Variants in TRIM66 observed in about 807,000 individuals in gnomAD.
The protein encoded by TRIM66 is tripartite motif-containing protein 66.
A neutral mutation model predicts 148.2 loss-of-function variants in TRIM66; 99 were observed. The observed-to-expected ratio is 0.67, with a 90% confidence interval of 0.57 to 0.79. The LOEUF is 0.79. Among genes scored for constraint, TRIM66 ranks in the 30% least tolerant of loss-of-function variants. The pLI is 0.00. For synonymous variants in TRIM66, 616 were observed against 635.9 expected, an observed-to-expected ratio of 0.97 and a Z score of 0.47; for missense variants, 1,666 against 1,697.9, an observed-to-expected ratio of 0.98 and a Z score of 0.33.
intron 14 of TRIM66, 88 bp from the exon 15 acceptor site, chr11:8,638,903 G>T: frequency 7.3e-7 from 1 of 1,367,788 alleles, no homozygotes; most frequent in African/African-American, 1.5e-5. Context: ...TGCTCACCCT[G>T]CCATGTGCAT....
intron 6 of TRIM66, among the ~76,000 whole-genome samples, chr11:8,660,918 T>C (rs10840103): frequency 0.32 from 48,378 of 152,012 alleles, 9,054 homozygotes; most frequent in Non-Finnish European, 0.43. Context: ...CTACAACATA[T>C]AGAGAAATGA....
At chr11:8,660,881 G>A (rs552059716) in intron 6 of TRIM66, among the ~76,000 whole-genome samples, 1 of 152,334 alleles carries the variant, frequency 6.6e-6, no homozygotes, top group East Asian at 1.9e-4. Flanking sequence ...ATGAAAGTGT[G>A]AGGTCTCTTT....
At chr11:8,640,157 G>C in intron 14 of TRIM66, 70 bp downstream of exon 14, 1 of 1,425,958 alleles carries the variant, frequency 7.0e-7, no homozygotes, top group Non-Finnish European at 9.5e-7. Context: ...CCTTGTTTTT[G>C]GGGAGGCTGT....
At chr11:8,629,550 G>C (rs1057504832) in intron 15 of TRIM66, among the ~76,000 whole-genome samples, 8 of 152,198 alleles carry the variant, frequency 5.3e-5, no homozygotes, top group Non-Finnish European at 1.0e-4. Context: ...ATTAGGGGTA[G>C]AGATCATATT....
chr11:8,631,011 G>C (rs2035342535), intron 15 of TRIM66, among the ~76,000 whole-genome samples: 1 of 152,126 alleles, frequency 6.6e-6, no homozygotes, highest in Non-Finnish European at 1.5e-5. Flanking sequence ...CTAGAGTTCA[G>C]TGTGTTGACA....
intron 1 of TRIM66, among the ~76,000 whole-genome samples, chr11:8,681,941 T>C (rs1401000495): frequency 6.6e-6 from 1 of 152,182 alleles, no homozygotes; most frequent in African/African-American, 2.4e-5. Context: ...TACTTTTGTA[T>C]GTGGAGACGA....
At chr11:8,649,985 T>C in intron 7 of TRIM66, 98 bp from the exon 8 acceptor site, 1 of 1,366,088 alleles carries the variant, frequency 7.3e-7, no homozygotes, top group South Asian at 1.4e-5. Context: ...TGCAGGCCTA[T>C]TCCTCCACCA....
rs2034680811 is a variant in TRIM66 at position 8,625,050 on chromosome 11, G to C, written c.2489C>G (p.Thr830Arg). 1 of 1,551,614 alleles carries C rather than the reference G, an allele frequency of 6.4e-7. No individual in the cohort carries two copies. Among genetic ancestry groups the C allele is most frequent in the Non-Finnish European group, 8.7e-7 (1 of 1,147,002 alleles). Residue 830 changes from threonine (T) to arginine (R), a missense_variant, in exon 16 of 25, where the codon ACA (threonine) becomes AGA (arginine). Coordinates refer to ENST00000646038, the MANE Select transcript of TRIM66 (RefSeq NM_001388022.1). The part of the protein sequence containing the change: ...SAPPKMVSSL[T>R]SVQNQAMPSL... ...GGGCATGGCCTGGTTTTGAACACTT[G>C]TCAGGCTGGACACCATTTTGGGGGG...
At chr11:8,658,744 T>G in intron 6 of TRIM66, 1 of 984,892 alleles carries the variant, frequency 1.0e-6, no homozygotes. Context: ...CACCGCATCA[T>G]TTTAAAAAAC....
chr11:8,618,576 G>T (rs1463316486), intron 24 of TRIM66, 174 bp downstream of exon 24: 16 of 622,982 alleles, frequency 2.6e-5, no homozygotes, highest in Non-Finnish European at 1.4e-5. Context: ...AACTGGCATT[G>T]ATGGGCCCTG....
intron 15 of TRIM66, among the ~76,000 whole-genome samples, chr11:8,627,973 C>A (rs935240540): frequency 6.6e-6 from 1 of 152,230 alleles, no homozygotes. Context: ...GGACTACAGG[C>A]GCATAACATC....
chr11:8,621,138 C>T lies in TRIM66; in HGVS notation c.3439G>A (p.Asp1147Asn), dbSNP rs748896891. The change falls in exon 20 of 25, where the codon GAC becomes AAC. Residue 1147 changes from aspartate (D) to asparagine (N), a missense_variant. Coordinates refer to ENST00000646038, the MANE Select transcript of TRIM66 (RefSeq NM_001388022.1). ...KGPPAPIENE[D>N]FCAVCLNGGE... The stretch of plus-strand genomic sequence containing the variant: ...CCATTGAGGCAAACAGCACAGAAGT[C>T]CTCATTCTCTATTGGGGCTGGGGGG... The T allele has an allele frequency of 4.5e-6, 7 of 1,551,606 alleles. No individual in the cohort carries two copies. The African/African-American group carries it at 8.2e-5, about 18-fold the overall frequency.
At chr11:8,672,157 G>A in intron 5 of TRIM66, 59 bp from the exon 6 acceptor site, 4 of 1,530,914 alleles carry the variant, frequency 2.6e-6, no homozygotes, top group Non-Finnish European at 3.5e-6. Context: ...AAAATCTTAG[G>A]CCAGAGGGGC....
In TRIM66 at chr11:8,612,466, G is replaced by A. The variant is rs953401812; in HGVS notation, c.*5478C>T. ...ATTCTCCCACCACAACTTTATAGAT[G>A]AGGAAACTGTATCCAAGGTTACACA... On this transcript the variant is annotated 3_prime_UTR_variant, in exon 25 of 25. Coordinates refer to ENST00000646038, the MANE Select transcript of TRIM66 (RefSeq NM_001388022.1). 5.3e-5 allele frequency: 8 copies of A among 152,212 alleles called. No individual in the cohort carries two copies. Among genetic ancestry groups the A allele is most frequent in the African/African-American group, 1.7e-4 (7 of 41,444 alleles). 9.4% of individuals were successfully genotyped at this position (152,212 alleles called of 1,614,324 possible).
chr11:8,637,321 CATAT>C (rs56293232), intron 15 of TRIM66, among the ~76,000 whole-genome samples: 125,421 of 149,960 alleles, frequency 0.84, 52,852 homozygotes, highest in Non-Finnish European at 0.9. Flanking sequence ...TCATTTAATG[CATAT>C]ATATATATAT....
intron 1 of TRIM66, chr11:8,680,626 G>C (rs1366263703): frequency 1.3e-5 from 2 of 152,272 alleles, no homozygotes; most frequent in African/African-American, 4.8e-5. Flanking sequence ...CCAGTGAGCA[G>C]TGCAGATTGA....
intron 6 of TRIM66, among the ~76,000 whole-genome samples, chr11:8,654,281 T>C (rs2037623529): frequency 1.3e-5 from 2 of 152,214 alleles, no homozygotes; most frequent in African/African-American, 2.4e-5. Context: ...ACATACAACC[T>C]GTGTTTTTGC....
At chr11:8,628,916 C>T (rs2035130080) in intron 15 of TRIM66, among the ~76,000 whole-genome samples, 1 of 152,170 alleles carries the variant, frequency 6.6e-6, no homozygotes, top group Non-Finnish European at 1.5e-5. Flanking sequence ...ATTTTAAACA[C>T]AGATGAGTTA....
chr11:8,665,128 A>C (rs2038507089), intron 6 of TRIM66, among the ~76,000 whole-genome samples: 1 of 152,078 alleles, frequency 6.6e-6, no homozygotes. Context: ...AAAAAAAAAA[A>C]ACAGATTTCT....
Sources: allele counts gnomAD v4.1 joint callset (sites outside exome capture counted in the v4.1 genomes callset), GRCh38; gene constraint gnomAD v4.1.1; transcripts MANE v1.5; gene names NCBI Gene and HGNC (gene_info 2026-07-23, HGNC 2026-07-21).